Variants in CNTNAP2 observed in about 807,000 individuals in gnomAD.
CNTNAP2 encodes contactin associated protein 2.
A neutral mutation model predicts 155.2 loss-of-function variants in CNTNAP2; 98 were observed. The observed-to-expected ratio is 0.63, with a 90% CI of 0.54 to 0.75. The LOEUF (loss-of-function observed/expected upper bound fraction) is 0.75, where lower values mean the gene tolerates loss of function less well. Ranked by LOEUF, CNTNAP2 falls within the 30% of genes least tolerant of loss-of-function variation. The pLI is 0.00. For synonymous variants in CNTNAP2, 651 were observed against 631.2 expected, an observed-to-expected ratio of 1.03 and a Z score of -0.47; for missense variants, 1,727 against 1,688.1, an observed-to-expected ratio of 1.02 and a Z score of -0.40.
intron 3 of CNTNAP2, among the ~76,000 whole-genome samples, chr7:147,005,392 A>G (rs1458693363): frequency 1.4e-4 from 21 of 152,088 alleles, no homozygotes; most frequent in Admixed American, 1.4e-3. Flanking sequence ...AGAAGGAAAA[A>G]TAATTTTTTT....
chr7:148,050,087 G>T (rs536650292), intron 15 of CNTNAP2, among the ~76,000 whole-genome samples: 1 of 152,156 alleles, frequency 6.6e-6, no homozygotes, highest in Non-Finnish European at 1.5e-5. Context: ...ACTTGAGCCC[G>T]GGAGGCAGTT....
At chr7:148,368,934 C>T (rs1318654889) in intron 21 of CNTNAP2, among the ~76,000 whole-genome samples, 1 of 152,142 alleles carries the variant, frequency 6.6e-6, no homozygotes, top group Admixed American at 6.5e-5. Flanking sequence ...GTCAGGCGGG[C>T]CCAGGCCTGG....
At chr7:147,552,134 C>T (rs1438906202) in intron 11 of CNTNAP2, among the ~76,000 whole-genome samples, 4 of 152,102 alleles carry the variant, frequency 2.6e-5, no homozygotes, top group East Asian at 3.9e-4. Flanking sequence ...AAAGTCTTCC[C>T]ACTGTGTCCT....
intron 3 of CNTNAP2, among the ~76,000 whole-genome samples, chr7:147,027,810 G>C (rs1222102018): frequency 3.3e-5 from 5 of 152,200 alleles, no homozygotes; most frequent in Admixed American, 3.3e-4. Context: ...TGTGAGTGAG[G>C]AAGAACAAGA....
intron 10 of CNTNAP2, among the ~76,000 whole-genome samples, chr7:147,402,372 C>T (rs1280883174): frequency 2.0e-5 from 3 of 152,172 alleles, no homozygotes; most frequent in African/African-American, 7.2e-5. Flanking sequence ...CTGTCCCTGC[C>T]ACCCACTGTC....
chr7:147,316,878 A>T (rs997620553), intron 9 of CNTNAP2, among the ~76,000 whole-genome samples: 1 of 152,218 alleles, frequency 6.6e-6, no homozygotes, highest in Non-Finnish European at 1.5e-5. Flanking sequence ...GGTATACAAA[A>T]AGGTTAATGA....
chr7:147,681,144 T>C (rs1166522377), intron 13 of CNTNAP2, among the ~76,000 whole-genome samples: 1 of 151,978 alleles, frequency 6.6e-6, no homozygotes, highest in Admixed American at 6.6e-5. Context: ...AAGAGCATAT[T>C]TGTAACCATC....
At chr7:147,732,521 G>A (rs1796760868) in intron 13 of CNTNAP2, among the ~76,000 whole-genome samples, 1 of 152,080 alleles carries the variant, frequency 6.6e-6, no homozygotes, top group Non-Finnish European at 1.5e-5. Context: ...CTTTATAGCA[G>A]CATGATTTAT....
At chr7:148,237,499 T>C (rs1393745238) in intron 20 of CNTNAP2, among the ~76,000 whole-genome samples, 1 of 152,176 alleles carries the variant, frequency 6.6e-6, no homozygotes, top group African/African-American at 2.4e-5. Context: ...GAGAACATGA[T>C]GTTAAACAAA....
chr7:148,358,750 T>C (rs1303494078), intron 21 of CNTNAP2, among the ~76,000 whole-genome samples: 11 of 152,252 alleles, frequency 7.2e-5, no homozygotes, highest in Admixed American at 7.2e-4. Context: ...AGTATTTAAC[T>C]TCTCCAGGCC....
chr7:146,258,084 G>A (rs71530731), intron 1 of CNTNAP2, among the ~76,000 whole-genome samples: 130 of 152,072 alleles, frequency 8.5e-4, no homozygotes, highest in Middle Eastern at 3.4e-3. Context: ...TAGAGACAGG[G>A]TTTCACTATG....
At chr7:146,791,512 C>G (rs889537323) in intron 2 of CNTNAP2, among the ~76,000 whole-genome samples, 1 of 152,118 alleles carries the variant, frequency 6.6e-6, no homozygotes, top group African/African-American at 2.4e-5. Context: ...CCCAGAGATG[C>G]CAATCAGAAC....
In CNTNAP2 at chr7:147,775,373, A is replaced by ATT. The variant is rs1228601260; in HGVS notation, c.2099-128191_2099-128190insTT. 2.0e-3 allele frequency among the ~76,000 whole-genome samples: 128 copies of ATT among 63,142 alleles called. 16 individuals are homozygous for ATT. In the Admixed American group the frequency reaches 0.023, roughly 11 times the overall value. 41.4% of individuals were successfully genotyped at this position (63,142 alleles called of 152,430 possible). On this transcript the variant is annotated intron_variant, in intron 13 of 23. Coordinates refer to ENST00000361727, the MANE Select transcript of CNTNAP2 (RefSeq NM_014141.6). ...TTTATATATATTTATAAATATATAT[A>ATT]TATTTATATATATTTATAAATATAT...
intron 16 of CNTNAP2, among the ~76,000 whole-genome samples, chr7:148,131,278 TA>T: frequency 6.6e-6 from 1 of 152,130 alleles, no homozygotes; most frequent in Middle Eastern, 3.4e-3. Flanking sequence ...TTTGTATTTT[TA>T]GTAGAGACAG....
intron 3 of CNTNAP2, among the ~76,000 whole-genome samples, chr7:146,957,983 AGTGAGG>A (rs1285182546): frequency 1.3e-5 from 2 of 152,222 alleles, no homozygotes; most frequent in Non-Finnish European, 2.9e-5. Flanking sequence ...CAGAATTTAT[AGTGAGG>A]CATGACCATT....
At chr7:148,282,322 T>C (rs1357511021) in intron 21 of CNTNAP2, among the ~76,000 whole-genome samples, 3 of 152,284 alleles carry the variant, frequency 2.0e-5, no homozygotes, top group Middle Eastern at 6.8e-3. Flanking sequence ...ACATTGAGGG[T>C]CAGGCTCAAT....
At chr7:146,808,903 A>C (rs918312453) in intron 2 of CNTNAP2, among the ~76,000 whole-genome samples, 3 of 152,322 alleles carry the variant, frequency 2.0e-5, no homozygotes, top group Admixed American at 6.5e-5. Context: ...CTAATATTAC[A>C]GTGCGTGTGA....
chr7:146,577,542 G>A (rs553636972), intron 1 of CNTNAP2, among the ~76,000 whole-genome samples: 13 of 151,608 alleles, frequency 8.6e-5, no homozygotes, highest in South Asian at 2.1e-4. Context: ...TTTTTGTTTC[G>A]TGATTAATTT....
At chr7:148,006,574 C>T (rs2116899801) in intron 15 of CNTNAP2, among the ~76,000 whole-genome samples, 1 of 149,718 alleles carries the variant, frequency 6.7e-6, no homozygotes, top group Non-Finnish European at 1.5e-5. Flanking sequence ...CTGCCTCGGC[C>T]TTCCAAAGTG....
Sources: allele counts gnomAD v4.1 joint callset (sites outside exome capture counted in the v4.1 genomes callset), GRCh38; gene constraint gnomAD v4.1.1; transcripts MANE v1.5; gene names NCBI Gene and HGNC (gene_info 2026-07-23, HGNC 2026-07-21).